The following SLC30A6 variants were observed in gnomAD, a reference collection of about 807,000 sequenced individuals.
The protein encoded by SLC30A6 is zinc transporter 6.
A neutral mutation model predicts 63.0 loss-of-function variants in SLC30A6; 55 were observed. The observed-to-expected ratio is 0.87, with a 90% CI of 0.70 to 1.09. The LOEUF (loss-of-function observed/expected upper bound fraction) is 1.09. SLC30A6 is among the 50% of genes least tolerant of loss of function. The pLI is 0.00. For synonymous variants in SLC30A6, 224 were observed against 186.1 expected (o/e 1.20, Z -1.66); for missense variants, 587 against 549.2 (o/e 1.07, Z -0.69).
At position 32,181,922 on chromosome 2, in the gene SLC30A6, G is replaced by A. The variant is rs139432482; in HGVS notation, c.219-2351G>A. Among the ~76,000 whole-genome samples the A allele has an allele frequency of 5.1e-3, 729 of 143,812 alleles. 5 individuals carry two copies. The highest frequency in any genetic ancestry group is 0.017 in the African/African-American group (670 of 38,704). The allele number at this position is 143,812 out of a possible 152,430, so 94.3% of individuals were successfully genotyped here. The stretch of plus-strand genomic sequence containing the variant: ...GATTGAAGCTTCAATTGTATATTTC[G>A]TTTTTCTTTTCTTTTTTTTTTTTTT... On this transcript the variant is annotated intron_variant, in intron 4 of 13. Coordinates refer to ENST00000282587, the MANE Select transcript of SLC30A6 (RefSeq NM_017964.5).
At chr2:32,210,628 T>C (rs906754799) in intron 13 of SLC30A6, among the ~76,000 whole-genome samples, 2 of 151,964 alleles carry the variant, frequency 1.3e-5, no homozygotes, top group Non-Finnish European at 2.9e-5. Flanking sequence ...TTAAATACTC[T>C]TCTACAGTAT....
At chr2:32,174,788 A>G (rs1021881120) in intron 3 of SLC30A6, among the ~76,000 whole-genome samples, 8 of 150,936 alleles carry the variant, frequency 5.3e-5, no homozygotes, top group Non-Finnish European at 1.2e-4. Flanking sequence ...TCCTGACCTT[A>G]TGATCCACCC....
Position 32,221,219 on chromosome 2 carries a change from G to GTTT in SLC30A6, c.*506_*507insTTT, listed in dbSNP as rs1250933267. The GTTT allele has an allele frequency of 5.4e-6, 1 of 185,422 alleles. No individual in the cohort carries two copies. The highest frequency in any genetic ancestry group is 2.4e-5 in the African/African-American group (1 of 41,820). The allele number at this position is 185,422 out of a possible 1,614,324, so 11.5% of individuals were successfully genotyped here. Reference sequence around the variant, plus strand: ...CTGTCGCCCAGGCTGGAATGCAGTGGCATGATCTCAGCTCACTGCAACCTC... The same window carrying GTTT: ...CTGTCGCCCAGGCTGGAATGCAGTGGTTTCATGATCTCAGCTCACTGCAACCTC... On this transcript the variant is annotated 3_prime_UTR_variant, in exon 14 of 14. Transcript: ENST00000282587.
chr2:32,207,030 A>AT, intron 12 of SLC30A6, 97 bp downstream of exon 12: 1 of 996,402 alleles, frequency 1.0e-6, no homozygotes, highest in Non-Finnish European at 1.5e-6. Flanking sequence ...CTAGAATTTT[A>AT]TTTGAGGGAA....
intron 10 of SLC30A6, among the ~76,000 whole-genome samples, chr2:32,200,847 A>G (rs1464620848): frequency 1.3e-5 from 2 of 152,044 alleles, no homozygotes; most frequent in Non-Finnish European, 2.9e-5. Flanking sequence ...AAAAATAATA[A>G]TAATAATAAT....
intron 13 of SLC30A6, among the ~76,000 whole-genome samples, chr2:32,217,136 G>C (rs1685782588): frequency 6.6e-6 from 1 of 151,820 alleles, no homozygotes; most frequent in East Asian, 1.9e-4. Flanking sequence ...GACCTCAGGT[G>C]ATCTGCCTAC....
chr2:32,216,571 AAATAAATAAAT>A (rs1384107301), intron 13 of SLC30A6, among the ~76,000 whole-genome samples: 8 of 149,696 alleles, frequency 5.3e-5, no homozygotes, highest in Non-Finnish European at 8.9e-5. Context: ...ATAAATAAAT[AAATAAATAAAT>A]AATAATAATG....
rs1340874772 is a variant in SLC30A6 at position 32,204,674 on chromosome 2, T to G, written c.750T>G (p.Ser250Arg). ...CTATGTATCCCATGAGTGTGTACAGTGGGAAAGTCTTACTCCAGGTAAGGT... is the reference window on the plus strand; with the variant it reads ...CTATGTATCCCATGAGTGTGTACAGGGGGAAAGTCTTACTCCAGGTAAGGT... ...FGTMYPMSVY[S>R]GKVLLQTTPP... The change falls in exon 11 of 14, where the codon AGT becomes AGG. Residue 250 changes from serine (S) to arginine (R), a missense_variant. Physicochemically the swap from Ser to Arg is moderately radical, Grantham distance 110 (BLOSUM62 -1). Coordinates refer to ENST00000282587, the MANE Select transcript of SLC30A6 (RefSeq NM_017964.5). 1.9e-6 allele frequency: 3 copies of G among 1,607,730 alleles called. No individual in the cohort carries two copies. The highest frequency in any genetic ancestry group is 2.6e-6 in the Non-Finnish European group (3 of 1,175,746).
rs776290286 is a variant in SLC30A6, at chr2:32,223,618, C to T, written c.*2905C>T. 6 of 152,138 alleles carry T rather than the reference C, an allele frequency of 3.9e-5. No individual in the cohort carries two copies. Among genetic ancestry groups the T allele is most frequent in the Admixed American group, 2.0e-4 (3 of 15,258 alleles). 9.4% of individuals were successfully genotyped at this position (152,138 alleles called of 1,614,324 possible). ...TGACTACCTCAACATACAGGCCAAG[C>T]GTTACCTACACCAACACCCAAGCCA... On this transcript the variant is annotated 3_prime_UTR_variant, in exon 14 of 14. Coordinates refer to ENST00000282587, the MANE Select transcript of SLC30A6 (RefSeq NM_017964.5).
chr2:32,213,187 A>C (rs1300013358), intron 13 of SLC30A6, among the ~76,000 whole-genome samples: 1 of 151,952 alleles, frequency 6.6e-6, no homozygotes. Flanking sequence ...GATTACAGGC[A>C]CGAGCCACTG....
At position 32,184,277 on chromosome 2, in the gene SLC30A6, A is replaced by G. The variant is rs143705604; in HGVS notation, c.223A>G (p.Met75Val). ...TTTATTTTTCTTTTTACTTAGTTTA[A>G]TGACATGTTTAATAAGTTACTGGGT... ...YLTIFDLFSL[M>V]TCLISYWVTL... Residue 75 changes from methionine (M) to valine (V), a missense_variant, in exon 5 of 14, where the codon ATG (methionine) becomes GTG (valine). By Grantham distance (21) the Met-to-Val change is conservative (BLOSUM62 1). Coordinates refer to ENST00000282587, the MANE Select transcript of SLC30A6 (RefSeq NM_017964.5). 6.5e-6 allele frequency: 10 copies of G among 1,529,278 alleles called. No individual in the cohort carries two copies. The highest frequency in any genetic ancestry group is 1.8e-4 in the Middle Eastern group (1 of 5,636). The allele number at this position is 1,529,278 out of a possible 1,614,324, so 94.7% of individuals were successfully genotyped here. A position where few individuals can be genotyped will look rare whatever the true frequency, so the allele number is the denominator to read the frequency against.
rs1686148774 is a variant in SLC30A6 at position 32,221,580 on chromosome 2, A to G, written c.*867A>G. The G allele has an allele frequency of 6.6e-6, 1 of 152,306 alleles. No individual in the cohort carries two copies. Among genetic ancestry groups the G allele is most frequent in the African/African-American group, 2.4e-5 (1 of 41,576 alleles). 9.4% of individuals were successfully genotyped at this position (152,306 alleles called of 1,614,324 possible). A position where few individuals can be genotyped will look rare whatever the true frequency, so the allele number is the denominator to read the frequency against. ...TAGCTTTTCCAAACTTAATTGCTAA[A>G]TTTTTCTTTGAGGTTCTCCTGAATT... On this transcript the variant is annotated 3_prime_UTR_variant, in exon 14 of 14. Coordinates refer to ENST00000282587, the MANE Select transcript of SLC30A6 (RefSeq NM_017964.5).
intron 8 of SLC30A6, among the ~76,000 whole-genome samples, chr2:32,197,054 C>G (rs909669754): frequency 3.3e-5 from 5 of 152,066 alleles, no homozygotes; most frequent in Non-Finnish European, 7.4e-5. Context: ...GAGCAAAACT[C>G]CATCTCAAAA....
chr2:32,215,500 T>TTATATATATATATATATATATATA (rs71407429), intron 13 of SLC30A6, among the ~76,000 whole-genome samples: 1 of 134,364 alleles, frequency 7.4e-6, no homozygotes, highest in African/African-American at 2.9e-5. Context: ...TGGCCATCTA[T>TTATATATATATATATATATATATA]TATATATATA....
rs193020885 is a variant in SLC30A6 at position 32,200,795 on chromosome 2, G to A, written c.665+2969G>A. Among the ~76,000 whole-genome samples the A allele has an allele frequency of 4.5e-3, 675 of 151,338 alleles. 6 individuals carry two copies. The highest frequency in any genetic ancestry group is 0.016 in the African/African-American group (651 of 41,184). ...CACTGTTGTCCTGTGACCCTGCCAA[G>A]TCCCCCTCTGCGAGAAACACCCAAG... On this transcript the variant is annotated intron_variant, in intron 10 of 13. Coordinates refer to ENST00000282587, the MANE Select transcript of SLC30A6 (RefSeq NM_017964.5).
intron 4 of SLC30A6, among the ~76,000 whole-genome samples, chr2:32,176,918 A>G (rs144240588): frequency 1.2e-4 from 18 of 151,924 alleles, no homozygotes; most frequent in African/African-American, 4.3e-4. Context: ...GAATACAGAC[A>G]TGCACCACCA....
chr2:32,202,804 A>G lies in SLC30A6; in HGVS notation c.666-1786A>G, dbSNP rs905977013. ...GCAGCTCGCCCACAGTGGGTATGCA[A>G]AGTTGCAAAAAAATGAGTGAAATCC... On this transcript the variant is annotated intron_variant, in intron 10 of 13. Transcript: ENST00000282587. 6.6e-6 allele frequency: 5 copies of G among 762,152 alleles called. No individual in the cohort carries two copies. The East Asian group carries it at 7.3e-5, about 11-fold the overall frequency. The allele number at this position is 762,152 out of a possible 1,614,324, so 47.2% of individuals were successfully genotyped here.
intron 4 of SLC30A6, chr2:32,177,649 GA>G (rs1484522317): frequency 1.2e-5 from 2 of 160,434 alleles, no homozygotes; most frequent in Admixed American, 6.5e-5. Context: ...TTAGGTCTTT[GA>G]TTTTTTTTGT....
At position 32,222,757 on chromosome 2, in the gene SLC30A6, A is replaced by G. The variant is rs934025325; in HGVS notation, c.*2044A>G. 6.6e-6 allele frequency: 1 copy of G among 152,202 alleles called. No individual in the cohort carries two copies. The highest frequency in any genetic ancestry group is 2.4e-5 in the African/African-American group (1 of 41,446). 9.4% of individuals were successfully genotyped at this position (152,202 alleles called of 1,614,324 possible). A position where few individuals can be genotyped will look rare whatever the true frequency, so the allele number is the denominator to read the frequency against. On this transcript the variant is annotated 3_prime_UTR_variant, in exon 14 of 14. Transcript: ENST00000282587. ...TTACTGTATCTGTTATTGGTCTACT[A>G]TTACAGGATGATTCTTCTTCCTCCA...
Sources: allele counts gnomAD v4.1 joint callset (sites outside exome capture counted in the v4.1 genomes callset), GRCh38; gene constraint gnomAD v4.1.1; transcripts MANE v1.5; gene names NCBI Gene and HGNC (gene_info 2026-07-23, HGNC 2026-07-21).